TMEM87A: variants seen among roughly 807,000 people sequenced by gnomAD.
TMEM87A encodes transmembrane protein 87A, also known as Golgi-pH regulating cation channel.
A neutral mutation model predicts 90.0 loss-of-function variants in TMEM87A; 50 were observed. The observed-to-expected ratio is 0.56, with a 90% confidence interval of 0.44 to 0.70. TMEM87A has a LOEUF of 0.70. TMEM87A is among the 30% of genes least tolerant of loss of function. TMEM87A has a pLI of 0.00. For synonymous variants in TMEM87A, 226 were observed against 226.7 expected, an observed-to-expected ratio of 1.00 and a Z score of 0.03; for missense variants, 577 against 660.5, an observed-to-expected ratio of 0.87 and a Z score of 1.39.
intron 18 of TMEM87A, 127 bp from the exon 19 acceptor site, chr15:42,217,960 C>T (rs2050410357): frequency 3.4e-6 from 3 of 880,788 alleles, no homozygotes; most frequent in Non-Finnish European, 5.1e-6. Flanking sequence ...ATTAATGGCC[C>T]TTTTAGGAAA....
At chr15:42,264,693 A>ATC (rs2051363608) in intron 3 of TMEM87A, among the ~76,000 whole-genome samples, 1 of 19,594 alleles carries the variant, frequency 5.1e-5, no homozygotes, top group Non-Finnish European at 4.8e-4. Flanking sequence ...GTATATATAT[A>ATC]TATATATTTT....
In TMEM87A at chr15:42,232,649, AT is replaced by A. The variant is rs1310056123; in HGVS notation, c.1062+563del. On this transcript the variant is annotated intron_variant, in intron 11 of 19. Coordinates refer to ENST00000389834, the MANE Select transcript of TMEM87A (RefSeq NM_015497.5). ...CCACCACGCCCAGCTAATTTCTCGT[AT>A]TTTTTTTTTTTTTAGTAGAGACAGG... 2.9e-3 allele frequency among the ~76,000 whole-genome samples: 413 copies of A among 140,226 alleles called. 2 individuals carry two copies. Among genetic ancestry groups the A allele is most frequent in the Middle Eastern group, 7.1e-3 (2 of 282 alleles). 92.0% of individuals were successfully genotyped at this position (140,226 alleles called of 152,430 possible).
chr15:42,245,754 A>G, intron 6 of TMEM87A, among the ~76,000 whole-genome samples: 1 of 151,136 alleles, frequency 6.6e-6, no homozygotes, highest in Middle Eastern at 3.4e-3. Context: ...CTGGTCTCGA[A>G]CTCCTGACCT....
In TMEM87A at chr15:42,236,382, T is replaced by C. The variant is rs1271491781; in HGVS notation, c.906A>G (p.Ala302=). 1.2e-5 allele frequency: 19 copies of C among 1,614,026 alleles called. No individual in the cohort carries two copies. Reference sequence around the variant, plus strand: ...GGGTTCGAGCCAGTGAGCGTTTCACTGCTGAAAGCAGCTCTGCAAGGATCA... The same window carrying C: ...GGGTTCGAGCCAGTGAGCGTTTCACCGCTGAAAGCAGCTCTGCAAGGATCA... ...GALILAELLS[A]VKRSLARTLV... The change falls in exon 10 of 20, where the codon GCA becomes GCG. Residue 302 remains alanine, a synonymous_variant. Coordinates refer to ENST00000389834, the MANE Select transcript of TMEM87A (RefSeq NM_015497.5).
intron 15 of TMEM87A, among the ~76,000 whole-genome samples, chr15:42,221,045 C>T (rs2050471430): frequency 6.6e-6 from 1 of 152,140 alleles, no homozygotes. Flanking sequence ...GAGGCTGAGA[C>T]AGCCTCAGGT....
At chr15:42,232,019 T>C (rs1028083645) in intron 11 of TMEM87A, 5 of 464,880 alleles carry the variant, frequency 1.1e-5, no homozygotes, top group Non-Finnish European at 1.5e-5. Context: ...GAAAAGCAAA[T>C]GTGCATCCAC....
chr15:42,239,678 A>C lies in TMEM87A; in HGVS notation c.676T>G (p.Leu226Val). The change falls in exon 8 of 20, where the codon TTG (leucine) becomes GTG (valine). Residue 226 changes from leucine (L) to valine (V), a missense_variant. By Grantham distance (32) the Leu-to-Val change is conservative (BLOSUM62 1). Coordinates refer to ENST00000389834, the MANE Select transcript of TMEM87A (RefSeq NM_015497.5). ...YEYLTLEDYP[L>V]MIFFMVMCIV... ...AATATAAAGTCACTTACAATCATCA[A>C]GGGATAGTCTTCAAGTGTGAGGTAT... The C allele has an allele frequency of 6.2e-7, 1 of 1,613,572 alleles. No homozygotes were observed. Among genetic ancestry groups the C allele is most frequent in the Non-Finnish European group, 8.5e-7 (1 of 1,179,472 alleles).
chr15:42,244,949 C>A (rs931434244), intron 6 of TMEM87A, among the ~76,000 whole-genome samples: 4 of 151,470 alleles, frequency 2.6e-5, no homozygotes, highest in African/African-American at 7.3e-5. Flanking sequence ...GTTCTGTGAA[C>A]CCCCCAAAAT....
intron 4 of TMEM87A, among the ~76,000 whole-genome samples, chr15:42,261,607 G>C (rs1166502939): frequency 1.3e-5 from 2 of 151,012 alleles, no homozygotes; most frequent in Non-Finnish European, 2.9e-5. Context: ...CAAAGCTTTA[G>C]ACAAAGAAAT....
intron 6 of TMEM87A, chr15:42,258,382 TCA>T (rs1469884944): frequency 1.5e-6 from 1 of 669,148 alleles, no homozygotes; most frequent in Non-Finnish European, 1.8e-6. Flanking sequence ...GTCTCCATTT[TCA>T]CAGTGAATAT....
At chr15:42,254,857 C>T (rs924654313) in intron 6 of TMEM87A, among the ~76,000 whole-genome samples, 7 of 152,070 alleles carry the variant, frequency 4.6e-5, no homozygotes, top group African/African-American at 1.7e-4. Flanking sequence ...TTGATAATAA[C>T]ATGTCAACGT....
At chr15:42,265,529 C>T (rs144045883) in intron 3 of TMEM87A, among the ~76,000 whole-genome samples, 1 of 151,946 alleles carries the variant, frequency 6.6e-6, no homozygotes, top group South Asian at 2.1e-4. Context: ...TGTTCATGTC[C>T]TTTACCCACT....
intron 15 of TMEM87A, among the ~76,000 whole-genome samples, chr15:42,226,374 A>C (rs1163855445): frequency 5.3e-5 from 8 of 151,432 alleles, no homozygotes; most frequent in Non-Finnish European, 1.5e-5. Flanking sequence ...TTTTAGACAT[A>C]ATGCTATTGC....
chr15:42,264,281 T>C (rs2051355132), intron 3 of TMEM87A, 78 bp from the exon 4 acceptor site: 1 of 926,858 alleles, frequency 1.1e-6, no homozygotes, highest in South Asian at 1.4e-5. Flanking sequence ...CAACAAACAG[T>C]TCACCTGCAG....
chr15:42,247,309 T>A (rs1043892364), intron 6 of TMEM87A, among the ~76,000 whole-genome samples: 1 of 152,256 alleles, frequency 6.6e-6, no homozygotes, highest in African/African-American at 2.4e-5. Flanking sequence ...GATTTATCTA[T>A]TCTGGCTTTT....
At chr15:42,244,989 T>C (rs1472327733) in intron 6 of TMEM87A, among the ~76,000 whole-genome samples, 1 of 151,898 alleles carries the variant, frequency 6.6e-6, no homozygotes, top group Non-Finnish European at 1.5e-5. Flanking sequence ...TTTATGCATT[T>C]TCCTGTGGAG....
intron 8 of TMEM87A, 98 bp downstream of exon 8, chr15:42,239,572 G>A (rs911494999): frequency 1.9e-6 from 2 of 1,037,076 alleles, no homozygotes; most frequent in Non-Finnish European, 3.0e-6. Flanking sequence ...GAATTGCACA[G>A]GAACAATTCA....
At chr15:42,243,947 T>C (rs551287881) in intron 7 of TMEM87A, 103 bp downstream of exon 7, 16 of 613,250 alleles carry the variant, frequency 2.6e-5, no homozygotes, top group Middle Eastern at 4.8e-4. Flanking sequence ...ATGAAGGAAA[T>C]AGAAATCTGA....
Position 42,261,212 on chromosome 15 carries a change from A to G in TMEM87A, c.443T>C (p.Leu148Ser). ...AACAATTACCTCCTGTTTTTCTCCT[A>G]AAAGAGGCAGTCGATGCATAAAATC... ...SGDFMHRLPL[L>S]GEKQEAKENG... Residue 148 changes from leucine to serine, a missense_variant, in exon 5 of 20, where the codon TTA (leucine) becomes TCA (serine). By Grantham distance (145) the Leu-to-Ser change is moderately radical. Coordinates refer to ENST00000389834, the MANE Select transcript of TMEM87A (RefSeq NM_015497.5). 1.2e-6 allele frequency: 2 copies of G among 1,613,388 alleles called. No individual in the cohort carries two copies. Among genetic ancestry groups the G allele is most frequent in the Non-Finnish European group, 1.7e-6 (2 of 1,179,754 alleles).
Sources: gnomAD v4.1 joint callset for allele counts (sites outside exome capture counted in the v4.1 genomes callset) on GRCh38, gnomAD v4.1.1 for gene constraint, MANE v1.5 for transcripts, NCBI Gene and HGNC (gene_info 2026-07-23, HGNC 2026-07-21) for gene names.